The following NRXN3 variants were observed in gnomAD, a reference collection of about 807,000 sequenced individuals.
The protein encoded by NRXN3 is neurexin 3.
A neutral mutation model predicts 137.6 loss-of-function variants in NRXN3; 32 were observed. That is an observed-to-expected ratio of 0.23 (90% confidence interval 0.18 to 0.31). The LOEUF (loss-of-function observed/expected upper bound fraction) is 0.31, where lower values mean the gene tolerates loss of function less well. NRXN3 is among the 10% of genes least tolerant of loss of function. NRXN3 has a pLI of 1.00. For synonymous variants in NRXN3, 798 were observed against 784.5 expected (o/e 1.02, Z -0.29); for missense variants, 1,574 against 2,062.5 (o/e 0.76, Z 4.59).
intron 16 of NRXN3, among the ~76,000 whole-genome samples, chr14:79,635,507 T>C (rs893005086): frequency 6.6e-5 from 10 of 152,172 alleles, no homozygotes; most frequent in Non-Finnish European, 1.5e-4. Flanking sequence ...CAAGACTTAT[T>C]TTTTTCCTAT....
At chr14:79,569,251 T>A (rs17109461) in intron 16 of NRXN3, among the ~76,000 whole-genome samples, 95 of 151,978 alleles carry the variant, frequency 6.3e-4, no homozygotes, top group African/African-American at 2.2e-3. Context: ...GAAAATACAT[T>A]CTTGCCTTCC....
chr14:79,406,578 C>G (rs975207518), intron 15 of NRXN3, among the ~76,000 whole-genome samples: 1 of 152,066 alleles, frequency 6.6e-6, no homozygotes, highest in African/African-American at 2.4e-5. Context: ...GCTGGGATTA[C>G]AGGCATCAGC....
chr14:79,558,560 T>TC (rs1281436203), intron 16 of NRXN3, among the ~76,000 whole-genome samples: 115 of 141,646 alleles, frequency 8.1e-4, no homozygotes, highest in Middle Eastern at 7.1e-3. Context: ...TCTCTCTCTC[T>TC]TTTTTTTTTT....
At chr14:79,264,822 C>G (rs2078198064) in intron 15 of NRXN3, among the ~76,000 whole-genome samples, 1 of 151,984 alleles carries the variant, frequency 6.6e-6, no homozygotes, top group African/African-American at 2.4e-5. Flanking sequence ...ATAAGTCTAT[C>G]AAAAATTAGA....
chr14:78,917,053 G>A (rs932018939), intron 10 of NRXN3, among the ~76,000 whole-genome samples: 1 of 152,120 alleles, frequency 6.6e-6, no homozygotes, highest in Non-Finnish European at 1.5e-5. Flanking sequence ...CTTCAAATAT[G>A]GTAAGCCTCT....
chr14:78,710,816 C>T (rs11159375), intron 7 of NRXN3, among the ~76,000 whole-genome samples: 23,513 of 152,100 alleles, frequency 0.15, 2,055 homozygotes, highest in South Asian at 0.27. Flanking sequence ...TTGCAGAGGG[C>T]AGATGGGTGG....
intron 4 of NRXN3, among the ~76,000 whole-genome samples, chr14:78,303,514 C>G (rs920140274): frequency 6.6e-6 from 1 of 152,098 alleles, no homozygotes. Context: ...AAAATTAAAT[C>G]GGGTCATGTA....
intron 6 of NRXN3, among the ~76,000 whole-genome samples, chr14:78,665,475 C>A (rs1335793822): frequency 6.6e-6 from 1 of 152,126 alleles, no homozygotes; most frequent in Non-Finnish European, 1.5e-5. Flanking sequence ...CGTCATGATT[C>A]AATTACCTCC....
intron 4 of NRXN3, among the ~76,000 whole-genome samples, chr14:78,377,572 G>C (rs2088129368): frequency 6.6e-6 from 1 of 152,228 alleles, no homozygotes. Context: ...GTCACACACA[G>C]AGTGGCTTAA....
rs74567749 is a variant in NRXN3 at position 79,502,536 on chromosome 14, C to T, written c.3444+35134C>T. 9.8e-3 allele frequency among the ~76,000 whole-genome samples: 1,483 copies of T among 151,898 alleles called. 21 individuals are homozygous for T. The highest frequency in any genetic ancestry group is 0.034 in the African/African-American group (1,394 of 41,410). On this transcript the variant is annotated intron_variant, in intron 16 of 20. Coordinates refer to ENST00000335750, the MANE Select transcript of NRXN3 (RefSeq NM_001330195.2). ...CCACACCCCCCACCCCACCTCCTCC[C>T]GCCTCTCCCTCTCCCTCTTCCTCTC... is the stretch of plus-strand genomic sequence containing the variant.
chr14:79,319,479 A>G (rs1034363300), intron 15 of NRXN3, among the ~76,000 whole-genome samples: 1 of 152,242 alleles, frequency 6.6e-6, no homozygotes, highest in African/African-American at 2.4e-5. Flanking sequence ...AGAGAAATAA[A>G]TTAACAATTA....
chr14:79,537,385 C>T (rs1481657382), intron 16 of NRXN3, among the ~76,000 whole-genome samples: 1 of 152,014 alleles, frequency 6.6e-6, no homozygotes, highest in Non-Finnish European at 1.5e-5. Context: ...TGGTGTGCTG[C>T]ACCCATTAAC....
At chr14:78,944,981 G>A (rs1330719883) in intron 10 of NRXN3, among the ~76,000 whole-genome samples, 1 of 152,122 alleles carries the variant, frequency 6.6e-6, no homozygotes, top group Non-Finnish European at 1.5e-5. Flanking sequence ...GAGAACCACT[G>A]GCCTAAATGA....
chr14:79,261,830 G>A (rs527318912), intron 15 of NRXN3, among the ~76,000 whole-genome samples: 1 of 152,166 alleles, frequency 6.6e-6, no homozygotes, highest in African/African-American at 2.4e-5. Context: ...GATGGGAGAG[G>A]GTACCGAGGA....
chr14:78,266,765 C>A (rs2071814787), intron 2 of NRXN3, among the ~76,000 whole-genome samples: 1 of 152,040 alleles, frequency 6.6e-6, no homozygotes, highest in South Asian at 2.1e-4. Flanking sequence ...AGGTCCAGAG[C>A]TTTACAACAC....
chr14:79,058,098 T>C (rs1270160638), intron 15 of NRXN3, among the ~76,000 whole-genome samples: 1 of 151,994 alleles, frequency 6.6e-6, no homozygotes, highest in Admixed American at 6.6e-5. Flanking sequence ...CTACATTTTC[T>C]CTAAAGTAGG....
At chr14:79,612,818 CCTAA>C (rs749871852) in intron 16 of NRXN3, among the ~76,000 whole-genome samples, 4 of 151,812 alleles carry the variant, frequency 2.6e-5, no homozygotes, top group Non-Finnish European at 5.9e-5. Flanking sequence ...TGCACTGCAG[CCTAA>C]CTGACAGAGC....
intron 15 of NRXN3, among the ~76,000 whole-genome samples, chr14:79,449,077 T>G (rs1190467511): frequency 6.6e-6 from 1 of 152,104 alleles, no homozygotes; most frequent in African/African-American, 2.4e-5. Context: ...CCAGGAGCCC[T>G]TTTGTTCTTG....
At chr14:79,495,425 A>G (rs1360594073) in intron 16 of NRXN3, among the ~76,000 whole-genome samples, 1 of 151,958 alleles carries the variant, frequency 6.6e-6, no homozygotes, top group Non-Finnish European at 1.5e-5. Context: ...CTTTCTTTCT[A>G]CATTTTTTTT....
Sources: allele counts gnomAD v4.1 joint callset (sites outside exome capture counted in the v4.1 genomes callset), GRCh38; gene constraint gnomAD v4.1.1; transcripts MANE v1.5; gene names NCBI Gene and HGNC (gene_info 2026-07-23, HGNC 2026-07-21).